PTDSS2: variants seen among roughly 807,000 people sequenced by gnomAD.
The protein encoded by PTDSS2 is PSS-2.
A neutral mutation model predicts 64.7 loss-of-function variants in PTDSS2; 41 were observed. The observed-to-expected ratio is 0.63, with a 90% CI of 0.49 to 0.82. PTDSS2 has a LOEUF of 0.82. PTDSS2 is among the 40% of genes least tolerant of loss of function. The pLI is 0.00. For missense variants in PTDSS2, 485 were observed against 650.0 expected, an observed-to-expected ratio of 0.75 and a Z score of 2.76; for synonymous variants, 297 against 277.8, an observed-to-expected ratio of 1.07 and a Z score of -0.69.
At chr11:469,513 T>G (rs945917322) in intron 2 of PTDSS2, among the ~76,000 whole-genome samples, 1 of 151,186 alleles carries the variant, frequency 6.6e-6, no homozygotes, top group African/African-American at 2.4e-5. Context: ...CTCTGGGTAA[T>G]CGGAGGGAGG....
rs11539813 is a variant in PTDSS2 at position 490,423 on chromosome 11, C to G, written c.1305C>G (p.Asp435Glu). 3.7e-6 allele frequency: 6 copies of G among 1,613,248 alleles called. No homozygotes were observed. The East Asian group carries it at 1.3e-4, about 36-fold the overall frequency. ...TWTVWRFFLR[D>E]ITLRYKETRW... Reference sequence around the variant, plus strand: ...GACGCTGCATCCCGCTCCCCAGGGACATCACATTGAGGTACAAGGAGACCC... The same window carrying G: ...GACGCTGCATCCCGCTCCCCAGGGAGATCACATTGAGGTACAAGGAGACCC... Residue 435 changes from aspartate to glutamate, a missense_variant, in exon 12 of 12, where the codon GAC becomes GAG. Asp to Glu is a conservative substitution (Grantham distance 45). Around this residue, in one of 3 missense-constraint regions of PTDSS2, gnomAD observed 219 missense variants for 257.3 expected, o/e 0.85. Coordinates refer to ENST00000308020, the MANE Select transcript of PTDSS2 (RefSeq NM_030783.3).
chr11:475,457 A>G (rs936775470), intron 3 of PTDSS2, among the ~76,000 whole-genome samples: 9 of 148,088 alleles, frequency 6.1e-5, no homozygotes, highest in African/African-American at 2.3e-4. Flanking sequence ...TGTGATACGG[A>G]TATATTCACG....
intron 1 of PTDSS2, among the ~76,000 whole-genome samples, chr11:458,494 C>T (rs1389330898): frequency 4.0e-5 from 6 of 150,022 alleles, no homozygotes; most frequent in South Asian, 2.1e-4. Flanking sequence ...CGTGAGCCAC[C>T]GCGCCTGGCC....
chr11:479,617 G>C lies in PTDSS2; in HGVS notation c.435+465G>C, dbSNP rs1215326645. Among the ~76,000 whole-genome samples, 1 of 152,220 alleles carries C rather than the reference G, an allele frequency of 6.6e-6. No individual in the cohort carries two copies. Among genetic ancestry groups the C allele is most frequent in the Non-Finnish European group, 1.5e-5 (1 of 68,040 alleles). On this transcript the variant is annotated intron_variant, in intron 4 of 11. Transcript: ENST00000308020. This position sits in a 1 kb window ranked among gnomAD's most constrained non-coding sequence, Gnocchi z 4.2. Reference sequence around the variant, plus strand: ...GCGTCTGCATGGCCGGGGCAAATCTGGGCCTCAGAGGGGACCCCAGCGCCA... The same window carrying C: ...GCGTCTGCATGGCCGGGGCAAATCTCGGCCTCAGAGGGGACCCCAGCGCCA...
In PTDSS2 at chr11:460,439, G is replaced by A. The variant is rs1590620179; in HGVS notation, c.284+151G>A. ...GGCCTCTCCCTTGAGTGTGTCTGATGTGCAGACTCCAGGGCTGCCCTTGGT... is the reference window on the plus strand; with the variant it reads ...GGCCTCTCCCTTGAGTGTGTCTGATATGCAGACTCCAGGGCTGCCCTTGGT... On this transcript the variant is annotated intron_variant, in intron 2 of 11. Coordinates refer to ENST00000308020, the MANE Select transcript of PTDSS2 (RefSeq NM_030783.3). The surrounding 1 kb of genome is among the most constrained non-coding windows in gnomAD (Gnocchi z 5.8). 26 of 640,862 alleles carry A rather than the reference G, an allele frequency of 4.1e-5. 1 individual carries two copies. The East Asian group carries it at 7.2e-4, about 18-fold the overall frequency. 39.7% of individuals were successfully genotyped at this position (640,862 alleles called of 1,614,324 possible).
chr11:480,561 T>C (rs1848024907), intron 4 of PTDSS2: 1 of 157,650 alleles, frequency 6.3e-6, no homozygotes, highest in African/African-American at 2.4e-5. Context: ...CCTCTTTCTT[T>C]TACTATTTAT....
intron 1 of PTDSS2, among the ~76,000 whole-genome samples, chr11:458,426 C>G (rs1421402793): frequency 6.6e-6 from 1 of 150,636 alleles, no homozygotes; most frequent in Non-Finnish European, 1.5e-5. Context: ...AGGATGGTCT[C>G]GATCTCCTGA....
In PTDSS2 at chr11:470,444, G is replaced by A. The variant is rs2133793812; in HGVS notation, c.285-3451G>A. ...GTCCCAGCCTCGGGGAGCCTGAAGAGACAGAACGAGTAGATGCCATGTGGC... is the reference window on the plus strand; with the variant it reads ...GTCCCAGCCTCGGGGAGCCTGAAGAAACAGAACGAGTAGATGCCATGTGGC... On this transcript the variant is annotated intron_variant, in intron 2 of 11. Transcript: ENST00000308020. The surrounding 1 kb of genome is among the most constrained non-coding windows in gnomAD (Gnocchi z 5.3). 6.6e-6 allele frequency among the ~76,000 whole-genome samples: 1 copy of A among 152,310 alleles called. No homozygotes were observed. The highest frequency in any genetic ancestry group is 2.4e-5 in the African/African-American group (1 of 41,566).
intron 1 of PTDSS2, among the ~76,000 whole-genome samples, chr11:452,122 C>T (rs1481623494): frequency 1.3e-5 from 2 of 152,084 alleles, no homozygotes; most frequent in Non-Finnish European, 2.9e-5. Flanking sequence ...GAAGACCAGA[C>T]GGGCTCCTCT....
At position 460,370 on chromosome 11, in the gene PTDSS2, C is replaced by CG. The variant is rs1846821072; in HGVS notation, c.284+87dup. 3 of 1,212,774 alleles carry CG rather than the reference C, an allele frequency of 2.5e-6. No individual in the cohort carries two copies. In the Admixed American group the frequency reaches 5.7e-5, roughly 23 times the overall value. 75.1% of individuals were successfully genotyped at this position (1,212,774 alleles called of 1,614,324 possible). On this transcript the variant is annotated intron_variant, in intron 2 of 11. Transcript: ENST00000308020. This position sits in a 1 kb window ranked among gnomAD's most constrained non-coding sequence, Gnocchi z 5.8. Reference sequence around the variant, plus strand: ...GTGGCACCCTTACTGCTCGGGCTGCCGGGGGCTCAGAAGGCCTTCACCAGA... The same window carrying CG: ...GTGGCACCCTTACTGCTCGGGCTGCCGGGGGGCTCAGAAGGCCTTCACCAGA...
At chr11:467,137 G>A in intron 2 of PTDSS2, among the ~76,000 whole-genome samples, 1 of 152,178 alleles carries the variant, frequency 6.6e-6, no homozygotes, top group East Asian at 1.9e-4. Flanking sequence ...GTTGCAGTGA[G>A]CCGAGATGGG....
intron 1 of PTDSS2, among the ~76,000 whole-genome samples, chr11:454,079 A>G (rs1846473081): frequency 6.6e-6 from 1 of 152,202 alleles, no homozygotes; most frequent in Non-Finnish European, 1.5e-5. Context: ...GCACTCTGTC[A>G]CTTCCAAGAT....
intron 8 of PTDSS2, 177 bp from the exon 9 acceptor site, chr11:489,223 G>T: frequency 1.6e-6 from 1 of 615,558 alleles, no homozygotes; most frequent in Non-Finnish European, 2.9e-6. Flanking sequence ...CAGCAGCTGG[G>T]TAACCAGGAA....
chr11:487,016 G>A lies in PTDSS2; in HGVS notation c.513G>A (p.Gly171=), dbSNP rs762356073. The change falls in exon 5 of 12, where the codon GGG becomes GGA. Residue 171 remains glycine (G), a synonymous_variant. Coordinates refer to ENST00000308020, the MANE Select transcript of PTDSS2 (RefSeq NM_030783.3). ...LGVPLPERDY[G]GNCLIYDPDN... Reference sequence around the variant, plus strand: ...TCCCACTGCCAGAGAGAGACTACGGGGGAAACTGCCTCATCTACGACCCAG... The same window carrying A: ...TCCCACTGCCAGAGAGAGACTACGGAGGAAACTGCCTCATCTACGACCCAG... 1.2e-6 allele frequency: 2 copies of A among 1,613,628 alleles called. No individual in the cohort carries two copies. Among genetic ancestry groups the A allele is most frequent in the East Asian group, 2.2e-5 (1 of 44,886 alleles).
In PTDSS2 at chr11:490,781, T is replaced by TATGCGTGTGTGTACGC; in HGVS notation, c.*199_*200insATGCGTGTGTGTACGC. 1.7e-6 allele frequency: 1 copy of TATGCGTGTGTGTACGC among 588,250 alleles called. No individual in the cohort carries two copies. The highest frequency in any genetic ancestry group is 3.4e-5 in the Admixed American group (1 of 29,352). 36.4% of individuals were successfully genotyped at this position (588,250 alleles called of 1,614,324 possible). A position where few individuals can be genotyped will look rare whatever the true frequency, so the allele number is the denominator to read the frequency against. ...ATCTCCATGTGTACACGTGTGTACG[T>TATGCGTGTGTGTACGC]GTGTATGCGTGTGTGTACGCGTGTG... On this transcript the variant is annotated 3_prime_UTR_variant, in exon 12 of 12. Coordinates refer to ENST00000308020, the MANE Select transcript of PTDSS2 (RefSeq NM_030783.3).
chr11:480,945 G>A (rs943284795), intron 4 of PTDSS2, among the ~76,000 whole-genome samples: 60 of 152,014 alleles, frequency 3.9e-4, no homozygotes, highest in African/African-American at 1.3e-3. Context: ...TTAGCCGGGC[G>A]TGGTCGCGGG....
intron 1 of PTDSS2, among the ~76,000 whole-genome samples, chr11:453,691 G>A (rs1846455376): frequency 6.6e-6 from 1 of 152,222 alleles, no homozygotes; most frequent in Non-Finnish European, 1.5e-5. Context: ...GCCAGTGCCC[G>A]GTCCAGGAGC....
intron 1 of PTDSS2, among the ~76,000 whole-genome samples, chr11:455,477 G>C (rs1846544183): frequency 6.6e-6 from 1 of 152,180 alleles, no homozygotes; most frequent in Non-Finnish European, 1.5e-5. Flanking sequence ...TGGGCCCTTG[G>C]CGGGGTTCTG....
intron 3 of PTDSS2, among the ~76,000 whole-genome samples, chr11:478,121 TA>T (rs1267503592): frequency 1.3e-5 from 2 of 152,158 alleles, no homozygotes; most frequent in African/African-American, 4.8e-5. Flanking sequence ...AGAAGTCTGT[TA>T]ATGTAACTCA....
Sources: allele counts gnomAD v4.1 joint callset (sites outside exome capture counted in the v4.1 genomes callset), GRCh38; gene constraint gnomAD v4.1.1; regional missense constraint gnomAD v4.1.1; non-coding constraint Gnocchi (gnomAD v3.1); transcripts MANE v1.5; gene names NCBI Gene and HGNC (gene_info 2026-07-23, HGNC 2026-07-21).